The following DOCK5 variants were observed in gnomAD, a reference collection of about 807,000 sequenced individuals.
The protein encoded by DOCK5 is dedicator of cytokinesis 5, also known as dedicator of cytokinesis protein 5.
In DOCK5, 142 loss-of-function variants were observed where a neutral mutation model predicts 251.8. The observed-to-expected ratio is 0.56, with a 90% confidence interval of 0.49 to 0.65. The LOEUF is 0.65. DOCK5 is among the 30% of genes least tolerant of loss of function. The probability of loss-of-function intolerance (pLI) is 0.00; values close to 1 mark genes in which losing one functional copy is unlikely to be tolerated. For synonymous variants in DOCK5, 842 were observed against 835.5 expected, an observed-to-expected ratio of 1.01 and a Z score of -0.13; for missense variants, 2,111 against 2,312.3, an observed-to-expected ratio of 0.91 and a Z score of 1.79.
chr8:25,375,991 A>G (rs1365954985), intron 37 of DOCK5: 1 of 791,744 alleles, frequency 1.3e-6, no homozygotes. Context: ...CCAGCTACTC[A>G]GGAGGCTGAG....
In DOCK5 at chr8:25,302,357, C is replaced by T. The variant is rs751274641; in HGVS notation, c.879C>T (p.Arg293=). The change falls in exon 10 of 52, where the codon CGC becomes CGT. Residue 293 remains arginine, a synonymous_variant. Coordinates refer to ENST00000276440, the MANE Select transcript of DOCK5 (RefSeq NM_024940.8). Reference sequence around the variant, plus strand: ...GCAGCATGGACCTCATCCGGCCCCGCGTCAGCCTTGTGTGCCAGATTGTCC... The same window carrying T: ...GCAGCATGGACCTCATCCGGCCCCGTGTCAGCCTTGTGTGCCAGATTGTCC... ...DLSSMDLIRP[R]VSLVCQIVRV... is the part of the protein sequence containing the mutation. 43 of 1,613,230 alleles carry T rather than the reference C, an allele frequency of 2.7e-5. No homozygotes were observed. The Admixed American group carries it at 2.8e-4, about 11-fold the overall frequency.
chr8:25,346,357 G>T (rs1295264865), intron 26 of DOCK5, among the ~76,000 whole-genome samples: 2 of 152,118 alleles, frequency 1.3e-5, no homozygotes, highest in African/African-American at 2.4e-5. Flanking sequence ...CTGTTTTTAT[G>T]CAGACACCTC....
intron 1 of DOCK5, among the ~76,000 whole-genome samples, chr8:25,230,750 C>T (rs1027400296): frequency 1.3e-5 from 2 of 152,014 alleles, no homozygotes; most frequent in African/African-American, 2.4e-5. Flanking sequence ...ACTTGGGAGG[C>T]TGAGGCAGGA....
intron 39 of DOCK5, 33 bp from the exon 40 acceptor site, chr8:25,382,641 C>T (rs1419577501): frequency 1.3e-6 from 2 of 1,530,850 alleles, no homozygotes; most frequent in African/African-American, 2.7e-5. Flanking sequence ...GTACTTATAA[C>T]CTCCCCTTGG....
chr8:25,383,815 A>G (rs1254409701), intron 40 of DOCK5, among the ~76,000 whole-genome samples: 7 of 152,170 alleles, frequency 4.6e-5, no homozygotes, highest in African/African-American at 1.7e-4. Flanking sequence ...AGATCACACC[A>G]CTGCACTCCA....
chr8:25,385,237 G>GA (rs1801144446), intron 40 of DOCK5, among the ~76,000 whole-genome samples: 1 of 152,186 alleles, frequency 6.6e-6, no homozygotes, highest in Non-Finnish European at 1.5e-5. Flanking sequence ...TTTCGTGTTG[G>GA]AAAGGTCATC....
chr8:25,290,486 T>C lies in DOCK5; in HGVS notation c.322-1538T>C, dbSNP rs186579798. On this transcript the variant is annotated intron_variant, in intron 5 of 51. Transcript: ENST00000276440. ...CTTAAAATGATTGAAAAACAAATGA[T>C]TAGTTAGTTGTAAGGTAATTTAGTT... 4.1e-3 allele frequency among the ~76,000 whole-genome samples: 630 copies of C among 152,300 alleles called. 4 individuals carry two copies. The highest frequency in any genetic ancestry group is 5.9e-3 in the Non-Finnish European group (399 of 68,032).
At chr8:25,295,227 C>T (rs1015722524) in intron 6 of DOCK5, among the ~76,000 whole-genome samples, 1 of 151,802 alleles carries the variant, frequency 6.6e-6, no homozygotes, top group Non-Finnish European at 1.5e-5. Flanking sequence ...TCACTTGAAG[C>T]CAGGAGTTCA....
chr8:25,341,477 C>T (rs1483382710), intron 23 of DOCK5, among the ~76,000 whole-genome samples: 1 of 152,136 alleles, frequency 6.6e-6, no homozygotes, highest in African/African-American at 2.4e-5. Context: ...ATTTAACCAC[C>T]TCCTTAGGCA....
At chr8:25,253,731 A>C (rs541640846) in intron 2 of DOCK5, among the ~76,000 whole-genome samples, 1 of 152,244 alleles carries the variant, frequency 6.6e-6, no homozygotes, top group African/African-American at 2.4e-5. Context: ...TTAAAAGCAT[A>C]TATTGATGAA....
At chr8:25,373,571 G>C in intron 35 of DOCK5, 47 bp from the exon 36 acceptor site, 1 of 1,540,582 alleles carries the variant, frequency 6.5e-7, no homozygotes, top group Non-Finnish European at 8.8e-7. Flanking sequence ...TGTGTCAATA[G>C]CTCTTGATTT....
chr8:25,318,015 A>G (rs1805306135), intron 14 of DOCK5, among the ~76,000 whole-genome samples: 1 of 152,174 alleles, frequency 6.6e-6, no homozygotes, highest in Admixed American at 6.5e-5. Flanking sequence ...AGGGTATCTA[A>G]GTATCCTGAA....
chr8:25,389,210 C>T lies in DOCK5; in HGVS notation c.4251C>T (p.Asp1417=), dbSNP rs770721831. Residue 1417 remains aspartate, a synonymous_variant, in exon 41 of 52, where the codon GAC becomes GAT. Transcript: ENST00000276440. ...KMTSTTPPGE[D]IKSSPKQYMQ... The stretch of plus-strand genomic sequence containing the variant: ...CCAGTACCACGCCTCCTGGGGAAGA[C>T]ATCAAGTCGTCCCCCAAGCAGTGTA... The T allele has an allele frequency of 1.9e-6, 3 of 1,613,874 alleles. No homozygotes were observed. The highest frequency in any genetic ancestry group is 2.7e-5 in the African/African-American group (2 of 74,944).
At chr8:25,248,668 C>G (rs1039971739) in intron 2 of DOCK5, among the ~76,000 whole-genome samples, 5 of 152,124 alleles carry the variant, frequency 3.3e-5, no homozygotes, top group Admixed American at 6.6e-5. Context: ...TTTTCTGTTT[C>G]CTGCCGTGTG....
intron 36 of DOCK5, among the ~76,000 whole-genome samples, 163 bp from the exon 37 acceptor site, chr8:25,374,401 G>T (rs1283636006): frequency 6.6e-6 from 1 of 152,138 alleles, no homozygotes; most frequent in African/African-American, 2.4e-5. Flanking sequence ...AGGCTAAGGT[G>T]GGTGGATCAC....
chr8:25,367,816 A>G (rs1288142197), intron 31 of DOCK5, among the ~76,000 whole-genome samples: 2 of 152,162 alleles, frequency 1.3e-5, no homozygotes, highest in African/African-American at 4.8e-5. Context: ...AAAGTATATA[A>G]GTATTTAGTC....
chr8:25,390,741 C>T (rs2939808), intron 42 of DOCK5, among the ~76,000 whole-genome samples: 135,961 of 152,036 alleles, frequency 0.89, 62,645 homozygotes, highest in East Asian at 1. Flanking sequence ...TGAATGCTAA[C>T]AGTATTGAAA....
intron 40 of DOCK5, among the ~76,000 whole-genome samples, chr8:25,387,344 A>G (rs1412474929): frequency 2.0e-5 from 3 of 151,818 alleles, no homozygotes; most frequent in Non-Finnish European, 4.4e-5. Context: ...ACGCCCAGTT[A>G]ATGTTTTTAT....
At chr8:25,354,431 A>G (rs1800531220) in intron 27 of DOCK5, among the ~76,000 whole-genome samples, 1 of 152,220 alleles carries the variant, frequency 6.6e-6, no homozygotes, top group South Asian at 2.1e-4. Context: ...TTAGGAATCA[A>G]ATTGCATGTT....
Sources: gnomAD v4.1 joint callset for allele counts (sites outside exome capture counted in the v4.1 genomes callset) on GRCh38, gnomAD v4.1.1 for gene constraint, MANE v1.5 for transcripts, NCBI Gene and HGNC (gene_info 2026-07-23, HGNC 2026-07-21) for gene names.